PARN: variants seen among roughly 807,000 people sequenced by gnomAD.
PARN encodes poly(A)-specific ribonuclease PARN.
PARN carries 71 observed loss-of-function variants against 102.8 expected under a neutral mutation model. The observed-to-expected ratio is 0.69, with a 90% CI of 0.57 to 0.84. PARN has a LOEUF of 0.84. PARN is among the 40% of genes least tolerant of loss of function. The pLI is 0.00. For missense variants in PARN, 782 were observed against 760.9 expected (o/e 1.03, Z -0.33); for synonymous variants, 261 against 252.9 (o/e 1.03, Z -0.30).
intron 22 of PARN, among the ~76,000 whole-genome samples, chr16:14,477,209 G>A (rs769057070): frequency 1.3e-5 from 2 of 152,156 alleles, no homozygotes; most frequent in Non-Finnish European, 2.9e-5. Flanking sequence ...GGAGGTCAAG[G>A]CAGGTGGATC....
chr16:14,591,834 G>A (rs541164377), intron 13 of PARN: 1 of 152,258 alleles, frequency 6.6e-6, no homozygotes, highest in East Asian at 1.9e-4. Flanking sequence ...TCAGGAGATT[G>A]AGACCATCAT....
intron 21 of PARN, among the ~76,000 whole-genome samples, chr16:14,536,849 G>A (rs1248873168): frequency 6.6e-6 from 1 of 152,058 alleles, no homozygotes; most frequent in Admixed American, 6.6e-5. Flanking sequence ...ACTACTAGAA[G>A]AAAACATTAG....
chr16:14,536,676 C>T (rs1308020186), intron 21 of PARN, among the ~76,000 whole-genome samples: 1 of 152,130 alleles, frequency 6.6e-6, no homozygotes, highest in Non-Finnish European at 1.5e-5. Context: ...GGGTATTAAA[C>T]AACTTTTTCC....
chr16:14,581,496 T>C (rs1355559586), intron 17 of PARN, among the ~76,000 whole-genome samples: 3 of 152,110 alleles, frequency 2.0e-5, no homozygotes, highest in Non-Finnish European at 4.4e-5. Context: ...CCCAAGGAAA[T>C]GGTAGTGCTA....
chr16:14,520,518 G>A (rs1965682272), intron 21 of PARN, among the ~76,000 whole-genome samples: 1 of 151,904 alleles, frequency 6.6e-6, no homozygotes. Flanking sequence ...GAGCTTAGGA[G>A]TAACATATCG....
chr16:14,601,413 G>A (rs771630409), intron 11 of PARN, among the ~76,000 whole-genome samples: 1 of 152,070 alleles, frequency 6.6e-6, no homozygotes, highest in Non-Finnish European at 1.5e-5. Context: ...TCATATGACA[G>A]TAAGTAGAAT....
At chr16:14,451,869 C>CAAAAAAAAAAAAAAAAAAAA (rs869041563) in intron 22 of PARN, among the ~76,000 whole-genome samples, 18 of 52,492 alleles carry the variant, frequency 3.4e-4, no homozygotes, top group Middle Eastern at 0.015. Context: ...AAAAAAAATA[C>CAAAAAAAAAAAAAAAAAAAA]AAAAAAAAAA....
chr16:14,548,265 A>G (rs1967085257), intron 21 of PARN, among the ~76,000 whole-genome samples: 1 of 151,836 alleles, frequency 6.6e-6, no homozygotes, highest in African/African-American at 2.4e-5. Flanking sequence ...AAAAAAAATT[A>G]ATAGGATTTG....
chr16:14,526,426 C>T (rs1966010641), intron 21 of PARN, among the ~76,000 whole-genome samples: 1 of 152,094 alleles, frequency 6.6e-6, no homozygotes, highest in African/African-American at 2.4e-5. Flanking sequence ...ATCCACCCAC[C>T]TCAGCCTCCC....
chr16:14,457,019 A>G (rs1409357435), intron 22 of PARN, among the ~76,000 whole-genome samples: 3 of 152,220 alleles, frequency 2.0e-5, no homozygotes, highest in African/African-American at 7.2e-5. Context: ...TACCTGGCAC[A>G]GGGCCTGGCA....
intron 19 of PARN, among the ~76,000 whole-genome samples, 180 bp from the exon 20 acceptor site, chr16:14,554,331 C>G (rs1205792078): frequency 6.6e-6 from 1 of 152,182 alleles, no homozygotes; most frequent in African/African-American, 2.4e-5. Context: ...TAATCTAGAC[C>G]TCAGGTTCTG....
intron 21 of PARN, among the ~76,000 whole-genome samples, chr16:14,509,844 A>C (rs1000136254): frequency 6.6e-6 from 1 of 152,222 alleles, no homozygotes; most frequent in Admixed American, 6.5e-5. Flanking sequence ...TAGAAAAGGA[A>C]GATAATGGGT....
intron 21 of PARN, among the ~76,000 whole-genome samples, chr16:14,493,548 G>A (rs1029042025): frequency 6.6e-6 from 1 of 152,198 alleles, no homozygotes; most frequent in Admixed American, 6.5e-5. Context: ...ACTGGGTACT[G>A]GGATGCAGCA....
At chr16:14,538,381 A>C (rs953933579) in intron 21 of PARN, among the ~76,000 whole-genome samples, 24 of 151,958 alleles carry the variant, frequency 1.6e-4, no homozygotes, top group African/African-American at 5.5e-4. Flanking sequence ...CACCATGCCC[A>C]GCTAATTTTT....
chr16:14,628,690 C>T (rs1472381823), intron 2 of PARN, among the ~76,000 whole-genome samples: 5 of 152,164 alleles, frequency 3.3e-5, no homozygotes, highest in African/African-American at 4.8e-5. Context: ...AAAATTATTT[C>T]TCTAAGTGAA....
intron 18 of PARN, among the ~76,000 whole-genome samples, chr16:14,557,278 G>C (rs775743594): frequency 1.3e-5 from 2 of 151,856 alleles, no homozygotes; most frequent in Non-Finnish European, 2.9e-5. Context: ...AGCCAAGCAG[G>C]GCCAGGCGCG....
chr16:14,451,869 C>CAAAAAAAAAA (rs869041563), intron 22 of PARN, among the ~76,000 whole-genome samples: 139 of 52,470 alleles, frequency 2.6e-3, no homozygotes, highest in African/African-American at 3.1e-3. Context: ...AAAAAAAATA[C>CAAAAAAAAAA]AAAAAAAAAA....
chr16:14,440,919 G>A (rs866454064), intron 23 of PARN, among the ~76,000 whole-genome samples: 1 of 152,098 alleles, frequency 6.6e-6, no homozygotes, highest in Non-Finnish European at 1.5e-5. Flanking sequence ...GTTGTATATC[G>A]TGATCATAGT....
chr16:14,475,888 A>C (rs1185605643), intron 22 of PARN, among the ~76,000 whole-genome samples: 2 of 152,392 alleles, frequency 1.3e-5, no homozygotes, highest in East Asian at 3.9e-4. Context: ...AAAAGAAAGA[A>C]AATGAATAAA....
Sources: gnomAD v4.1 joint callset for allele counts (sites outside exome capture counted in the v4.1 genomes callset) on GRCh38, gnomAD v4.1.1 for gene constraint, MANE v1.5 for transcripts, NCBI Gene and HGNC (gene_info 2026-07-23, HGNC 2026-07-21) for gene names.